The following MEIS1 variants were observed in gnomAD, a reference collection of about 807,000 sequenced individuals.
MEIS1 encodes the protein Meis homeobox 1, also known as homeobox protein Meis1.
MEIS1 carries 5 observed loss-of-function variants against 50.8 expected under a neutral mutation model. The ratio of observed to expected loss-of-function variants is 0.10; its 90% CI spans 0.05 to 0.21. The LOEUF is 0.21. Among genes scored for constraint, MEIS1 ranks in the 10% least tolerant of loss-of-function variants. The pLI is 1.00. For missense variants in MEIS1, 318 were observed against 517.3 expected (o/e 0.61, Z 3.74); for synonymous variants, 176 against 179.3 (o/e 0.98, Z 0.15).
chr2:66,473,204 C>A (rs1199323674), intron 7 of MEIS1, among the ~76,000 whole-genome samples: 1 of 151,126 alleles, frequency 6.6e-6, no homozygotes. Context: ...CATTGAGAAA[C>A]CCCATCTCTA....
intron 7 of MEIS1, among the ~76,000 whole-genome samples, chr2:66,497,173 C>T (rs1673426588): frequency 6.6e-6 from 1 of 152,122 alleles, no homozygotes; most frequent in Non-Finnish European, 1.5e-5. Flanking sequence ...AGAAATGCAC[C>T]TTGATCATTA....
intron 11 of MEIS1, 99 bp downstream of exon 11, chr2:66,568,855 C>G: frequency 8.1e-7 from 1 of 1,231,794 alleles, no homozygotes; most frequent in Non-Finnish European, 1.2e-6. Flanking sequence ...TCTGTTATCT[C>G]AAGCTGGCTG....
chr2:66,487,041 CAG>C (rs1199287565), intron 7 of MEIS1, among the ~76,000 whole-genome samples: 5 of 152,154 alleles, frequency 3.3e-5, no homozygotes, highest in Non-Finnish European at 5.9e-5. Flanking sequence ...CATCTGCAAA[CAG>C]AGATAATTTG....
Position 66,461,882 on chromosome 2 carries a change from A to G in MEIS1, c.631-2227A>G, listed in dbSNP as rs180999855. 2.1e-3 allele frequency: 969 copies of G among 471,098 alleles called. 8 individuals are homozygous for G. Among genetic ancestry groups the G allele is most frequent in the African/African-American group, 0.018 (887 of 50,158 alleles). The allele number at this position is 471,098 out of a possible 1,614,324, so 29.2% of individuals were successfully genotyped here. A position where few individuals can be genotyped will look rare whatever the true frequency, so the allele number is the denominator to read the frequency against. The stretch of plus-strand genomic sequence containing the variant: ...GGTGGATGAAGAAAAATGGTGATGA[A>G]AAAAGGTAGGCACAGATCACAAACA... On this transcript the variant is annotated intron_variant, in intron 6 of 12. Transcript: ENST00000272369.
At chr2:66,514,333 G>A (rs1187940448) in intron 8 of MEIS1, among the ~76,000 whole-genome samples, 1 of 152,126 alleles carries the variant, frequency 6.6e-6, no homozygotes, top group Non-Finnish European at 1.5e-5. Context: ...TTATCTTCTT[G>A]AAACAAACAA....
At chr2:66,493,190 G>A (rs1048518551) in intron 7 of MEIS1, among the ~76,000 whole-genome samples, 1 of 152,150 alleles carries the variant, frequency 6.6e-6, no homozygotes, top group African/African-American at 2.4e-5. Flanking sequence ...TGTAATTTGC[G>A]GAAATGCTGG....
intron 7 of MEIS1, among the ~76,000 whole-genome samples, chr2:66,480,744 A>G (rs556711888): frequency 6.6e-6 from 1 of 152,324 alleles, no homozygotes; most frequent in South Asian, 2.1e-4. Flanking sequence ...ATAGGAAAGA[A>G]GAGTTCCACT....
At chr2:66,564,830 G>T (rs1222863428) in intron 9 of MEIS1, among the ~76,000 whole-genome samples, 1 of 151,228 alleles carries the variant, frequency 6.6e-6, no homozygotes, top group African/African-American at 2.4e-5. Context: ...CCATTAACTC[G>T]TCATTTACAT....
At position 66,571,436 on chromosome 2, in the gene MEIS1, C is replaced by T. The variant is rs1675485887; in HGVS notation, c.*228C>T. On this transcript the variant is annotated 3_prime_UTR_variant, in exon 13 of 13. Transcript: ENST00000272369. ...TGATGATGCATGGAGGACCGCCCCACCCTGGAATGCCAATGTCAGCATCAA... is the reference window on the plus strand; with the variant it reads ...TGATGATGCATGGAGGACCGCCCCATCCTGGAATGCCAATGTCAGCATCAA... The T allele has an allele frequency of 1.2e-6, 2 of 1,605,226 alleles. No homozygotes were observed. The highest frequency in any genetic ancestry group is 1.7e-6 in the Non-Finnish European group (2 of 1,176,066).
At chr2:66,520,270 C>T (rs935186231) in intron 8 of MEIS1, among the ~76,000 whole-genome samples, 1 of 150,948 alleles carries the variant, frequency 6.6e-6, no homozygotes, top group Non-Finnish European at 1.5e-5. Context: ...GTCAGGAGAT[C>T]GAGACCATCC....
intron 7 of MEIS1, among the ~76,000 whole-genome samples, chr2:66,486,281 G>A (rs1480462262): frequency 3.9e-5 from 6 of 152,200 alleles, no homozygotes; most frequent in Admixed American, 2.6e-4. Context: ...TGTATAAGGT[G>A]TAAGGAAGGG....
intron 2 of MEIS1, among the ~76,000 whole-genome samples, chr2:66,438,445 C>T (rs182346050): frequency 1.3e-5 from 2 of 152,216 alleles, no homozygotes; most frequent in African/African-American, 4.8e-5. Flanking sequence ...AAAACCAAAG[C>T]AGGACAGTTG....
At chr2:66,468,035 C>T (rs1024388832) in intron 7 of MEIS1, among the ~76,000 whole-genome samples, 5 of 152,168 alleles carry the variant, frequency 3.3e-5, no homozygotes, top group African/African-American at 1.2e-4. Context: ...GAAGTAATAG[C>T]TCAGAAATAT....
At chr2:66,533,388 T>C (rs1271885299) in intron 8 of MEIS1, among the ~76,000 whole-genome samples, 1 of 152,028 alleles carries the variant, frequency 6.6e-6, no homozygotes, top group Non-Finnish European at 1.5e-5. Context: ...TCCCCGAGGG[T>C]GACTTAGGCA....
chr2:66,568,835 C>T, intron 11 of MEIS1, 79 bp downstream of exon 11: 1 of 1,331,644 alleles, frequency 7.5e-7, no homozygotes, highest in Non-Finnish European at 1.1e-6. Context: ...GTAAATCCGC[C>T]TCATCCTTTT....
intron 10 of MEIS1, 111 bp downstream of exon 10, chr2:66,567,622 G>A (rs1182542085): frequency 2.2e-6 from 2 of 929,262 alleles, no homozygotes; most frequent in Non-Finnish European, 3.5e-6. Flanking sequence ...GTATAGGAAC[G>A]CCTGGCAATT....
At chr2:66,569,674 A>G (rs1223130405) in intron 12 of MEIS1, 1 of 153,024 alleles carries the variant, frequency 6.5e-6, no homozygotes, top group Non-Finnish European at 1.5e-5. Context: ...TTCTTAGTTT[A>G]TTCCTTTGTC....
chr2:66,446,979 CT>C (rs144880713), intron 6 of MEIS1, among the ~76,000 whole-genome samples: 4,509 of 152,304 alleles, frequency 0.03, 98 homozygotes, highest in South Asian at 0.065. Context: ...TGAGGTAGAA[CT>C]TTGACAGAAA....
At chr2:66,441,620 CT>C (rs1050612250) in intron 5 of MEIS1, 156 bp downstream of exon 5, 3 of 613,506 alleles carry the variant, frequency 4.9e-6, no homozygotes, top group Non-Finnish European at 8.1e-6. Context: ...GCGTCCATTT[CT>C]CTTCGCAGTT....
Sources: allele counts gnomAD v4.1 joint callset (sites outside exome capture counted in the v4.1 genomes callset), GRCh38; gene constraint gnomAD v4.1.1; transcripts MANE v1.5; gene names NCBI Gene and HGNC (gene_info 2026-07-23, HGNC 2026-07-21).